The following ENTPD3 variants were observed in gnomAD, a reference collection of about 807,000 sequenced individuals.
ENTPD3 encodes the protein ectonucleoside triphosphate diphosphohydrolase 3, also known as CD39 antigen-like 3.
Under a neutral mutation model 51.2 loss-of-function variants are expected in ENTPD3, and 60 were observed. That is an observed-to-expected ratio of 1.17 (90% CI 0.95 to 1.45). The LOEUF (loss-of-function observed/expected upper bound fraction) is 1.45, where lower values mean the gene tolerates loss of function less well. Ranked by LOEUF, ENTPD3 falls within the 40% of genes most tolerant of loss-of-function variation. ENTPD3 has a pLI of 0.00. For synonymous variants in ENTPD3, 221 were observed against 238.4 expected, an observed-to-expected ratio of 0.93 and a Z score of 0.67; for missense variants, 593 against 641.1, an observed-to-expected ratio of 0.93 and a Z score of 0.81.
At chr3:40,387,766 T>TCTCTTG (rs1159503894) in intron 1 of ENTPD3, among the ~76,000 whole-genome samples, 8 of 152,168 alleles carry the variant, frequency 5.3e-5, no homozygotes, top group Non-Finnish European at 1.2e-4. Context: ...TGTGTACAGG[T>TCTCTTG]GGAACAATCT....
rs555266546 is a variant in ENTPD3, at chr3:40,426,330, A to T, written c.1354-942A>T. Among the ~76,000 whole-genome samples the T allele has an allele frequency of 2.5e-3, 376 of 150,666 alleles. 1 individual carries two copies. The highest frequency in any genetic ancestry group is 0.01 in the Middle Eastern group (3 of 294). On this transcript the variant is annotated intron_variant, in intron 10 of 10. Coordinates refer to ENST00000301825, the MANE Select transcript of ENTPD3 (RefSeq NM_001248.4). ...ACCATGTTGGCCAGGCTGGTCTTGAACTCCTGACCTCAGGTGATCCCGCCT... is the reference window on the plus strand; with the variant it reads ...ACCATGTTGGCCAGGCTGGTCTTGATCTCCTGACCTCAGGTGATCCCGCCT...
Position 40,428,182 on chromosome 3 carries a change from T to G in ENTPD3, c.*674T>G, listed in dbSNP as rs1475419395. The G allele has an allele frequency of 6.5e-6, 1 of 153,112 alleles. No individual in the cohort carries two copies. Among genetic ancestry groups the G allele is most frequent in the Non-Finnish European group, 1.5e-5 (1 of 68,710 alleles). 9.5% of individuals were successfully genotyped at this position (153,112 alleles called of 1,614,324 possible). On this transcript the variant is annotated 3_prime_UTR_variant, in exon 11 of 11. Transcript: ENST00000301825. Reference sequence around the variant, plus strand: ...TCTGGTCACTAGATTGCAACCTGTGTGTTTGTCATCATCCTCATCTCACCA... The same window carrying G: ...TCTGGTCACTAGATTGCAACCTGTGGGTTTGTCATCATCCTCATCTCACCA...
At chr3:40,407,123 G>C (rs1052809641) in intron 4 of ENTPD3, among the ~76,000 whole-genome samples, 1 of 152,114 alleles carries the variant, frequency 6.6e-6, no homozygotes, top group Non-Finnish European at 1.5e-5. Flanking sequence ...GAGCATATTG[G>C]GGGCAGGGCA....
chr3:40,407,491 G>GTA (rs1196386760), intron 4 of ENTPD3, among the ~76,000 whole-genome samples: 1 of 152,044 alleles, frequency 6.6e-6, no homozygotes, highest in Non-Finnish European at 1.5e-5. Flanking sequence ...ACAAAAACAG[G>GTA]TATGGGGTCA....
chr3:40,412,909 A>C (rs992888385), intron 5 of ENTPD3, among the ~76,000 whole-genome samples: 1 of 152,220 alleles, frequency 6.6e-6, no homozygotes, highest in African/African-American at 2.4e-5. Flanking sequence ...TCACTCTTGG[A>C]ATCTGCAGTG....
At chr3:40,402,142 A>C (rs1353470231) in intron 4 of ENTPD3, among the ~76,000 whole-genome samples, 1 of 1,238 alleles carries the variant, frequency 8.1e-4, no homozygotes, top group Non-Finnish European at 0.013. Flanking sequence ...TTTTTGAGAC[A>C]GAGTCTCACT....
chr3:40,413,294 C>G (rs897153725), intron 5 of ENTPD3, among the ~76,000 whole-genome samples: 1 of 152,186 alleles, frequency 6.6e-6, no homozygotes, highest in African/African-American at 2.4e-5. Context: ...CATTAGGATG[C>G]TGTTTACTCT....
intron 10 of ENTPD3, 71 bp from the exon 11 acceptor site, chr3:40,427,201 G>C (rs1956002015): frequency 4.8e-6 from 6 of 1,255,230 alleles, no homozygotes; most frequent in Non-Finnish European, 5.8e-6. Context: ...GTTGATAGCA[G>C]TATGACTCCG....
In ENTPD3 at chr3:40,423,409, T is replaced by C; in HGVS notation, c.1215+8T>C. The C allele has an allele frequency of 6.3e-7, 1 of 1,579,434 alleles. No homozygotes were observed. The highest frequency in any genetic ancestry group is 1.1e-5 in the South Asian group (1 of 90,112). ...TCACAGAATTGGAGTCAGGTCAGTA[T>C]TTAAAGAGAAGGGATCAATGTCAGT... On this transcript the variant is annotated splice_region_variant and intron_variant, in intron 9 of 10. Transcript: ENST00000301825.
intron 4 of ENTPD3, among the ~76,000 whole-genome samples, chr3:40,402,069 C>A (rs546960765): frequency 6.6e-6 from 1 of 150,568 alleles, no homozygotes; most frequent in Admixed American, 6.6e-5. Context: ...TTTTAAGATT[C>A]ATCTGCACTG....
intron 2 of ENTPD3, chr3:40,391,455 T>C (rs1955054123): frequency 6.6e-6 from 1 of 151,482 alleles, no homozygotes; most frequent in Non-Finnish European, 1.5e-5. Context: ...GACAGGCAGA[T>C]CACTTGAGCC....
At chr3:40,423,792 C>T in intron 9 of ENTPD3, 34 bp from the exon 10 acceptor site, 3 of 1,608,280 alleles carry the variant, frequency 1.9e-6, no homozygotes, top group Non-Finnish European at 2.6e-6. Context: ...ACATACCTGC[C>T]TGCCCTGCCT....
chr3:40,397,131 T>TC (rs1955224096), intron 3 of ENTPD3, among the ~76,000 whole-genome samples: 1 of 148,324 alleles, frequency 6.7e-6, no homozygotes, highest in Admixed American at 6.7e-5. Context: ...TTTTTTTTTT[T>TC]TTTTTTTTCA....
chr3:40,400,776 C>T, intron 3 of ENTPD3, 118 bp from the exon 4 acceptor site: 1 of 697,202 alleles, frequency 1.4e-6, no homozygotes, highest in Non-Finnish European at 2.5e-6. Flanking sequence ...TATTGATTAG[C>T]CCTTCCCTAA....
chr3:40,409,983 C>CT (rs1400220770), intron 4 of ENTPD3, among the ~76,000 whole-genome samples: 2 of 152,002 alleles, frequency 1.3e-5, no homozygotes, highest in Non-Finnish European at 1.5e-5. Context: ...ATTGGTTAAA[C>CT]TTTTTTTAAA....
intron 7 of ENTPD3, among the ~76,000 whole-genome samples, chr3:40,421,572 G>T (rs2371185): frequency 0.47 from 71,416 of 151,968 alleles, 19,326 homozygotes; most frequent in Non-Finnish European, 0.62. Context: ...ATGTGACAAG[G>T]ATATTTGTTT....
Position 40,423,047 on chromosome 3 carries a change from C to T in ENTPD3, c.1029C>T (p.Asp343=), listed in dbSNP as rs780689044. The T allele has an allele frequency of 1.2e-6, 2 of 1,614,014 alleles. No individual in the cohort carries two copies. The highest frequency in any genetic ancestry group is 2.7e-5 in the African/African-American group (2 of 74,926). The part of the protein sequence containing the change: ...LCKEKVASIF[D]FKACHDQETC... ...AGGAGAAGGTGGCTTCCATATTTGACTTCAAAGCTTGCCATGATCAAGAAA... is the reference window on the plus strand; with the variant it reads ...AGGAGAAGGTGGCTTCCATATTTGATTTCAAAGCTTGCCATGATCAAGAAA... Residue 343 remains aspartate, a synonymous_variant, in exon 8 of 11, where the codon GAC becomes GAT. Transcript: ENST00000301825.
At chr3:40,401,168 C>T (rs537893869) in intron 4 of ENTPD3, among the ~76,000 whole-genome samples, 157 bp downstream of exon 4, 1 of 152,226 alleles carries the variant, frequency 6.6e-6, no homozygotes, top group South Asian at 2.1e-4. Flanking sequence ...AGTGCTGCTA[C>T]TCATCAGTGG....
chr3:40,404,967 G>T (rs566117643), intron 4 of ENTPD3, among the ~76,000 whole-genome samples: 4 of 152,132 alleles, frequency 2.6e-5, no homozygotes, highest in African/African-American at 4.8e-5. Flanking sequence ...GCTGGTGTCT[G>T]TACCTCTGGC....
Sources: gnomAD v4.1 joint callset for allele counts (sites outside exome capture counted in the v4.1 genomes callset) on GRCh38, gnomAD v4.1.1 for gene constraint, MANE v1.5 for transcripts, NCBI Gene and HGNC (gene_info 2026-07-23, HGNC 2026-07-21) for gene names.